GPM6A: variants seen among roughly 807,000 people sequenced by gnomAD.
GPM6A encodes neuronal membrane glycoprotein M6-a.
Under a neutral mutation model 32.1 loss-of-function variants are expected in GPM6A, and 7 were observed. That is an observed-to-expected ratio of 0.22 (90% CI 0.12 to 0.41). The LOEUF is 0.41. Ranked by LOEUF, GPM6A falls within the 10% of genes least tolerant of loss-of-function variation. The pLI is 1.00. For missense variants in GPM6A, 235 were observed against 347.2 expected (o/e 0.68, Z 2.57); for synonymous variants, 130 against 123.4 (o/e 1.05, Z -0.35).
chr4:175,916,125 C>T (rs1319386656), intron 1 of GPM6A, among the ~76,000 whole-genome samples: 2 of 152,208 alleles, frequency 1.3e-5, no homozygotes, highest in Non-Finnish European at 2.9e-5. Context: ...AAACAACAGT[C>T]TTCACAGGTC....
intron 1 of GPM6A, among the ~76,000 whole-genome samples, chr4:175,882,801 C>G (rs1266827521): frequency 6.6e-6 from 1 of 151,934 alleles, no homozygotes; most frequent in Admixed American, 6.6e-5. Flanking sequence ...GTGGAAAACA[C>G]AGTGGTAATA....
chr4:175,690,559 G>A (rs745629771), intron 2 of GPM6A, among the ~76,000 whole-genome samples: 13 of 152,184 alleles, frequency 8.5e-5, no homozygotes, highest in Non-Finnish European at 7.3e-5. Context: ...TGCACTTTCC[G>A]ACTTTCAGAG....
chr4:175,969,104 A>T (rs1017698759), intron 1 of GPM6A, among the ~76,000 whole-genome samples: 2 of 152,246 alleles, frequency 1.3e-5, no homozygotes, highest in Non-Finnish European at 2.9e-5. Context: ...CTATCAAGCC[A>T]TGAAAAGATA....
intron 1 of GPM6A, among the ~76,000 whole-genome samples, chr4:175,750,073 T>C (rs188550812): frequency 1.3e-5 from 2 of 152,270 alleles, no homozygotes; most frequent in Admixed American, 6.5e-5. Context: ...TTGCTTTTTT[T>C]TTTGAGATGG....
At chr4:175,844,019 A>G (rs1736017867) in intron 1 of GPM6A, among the ~76,000 whole-genome samples, 1 of 152,100 alleles carries the variant, frequency 6.6e-6, no homozygotes, top group Admixed American at 6.5e-5. Context: ...CCTTAGCTAC[A>G]ATTAGCAGCT....
chr4:175,693,527 T>G (rs947980688), intron 2 of GPM6A, among the ~76,000 whole-genome samples: 18 of 152,164 alleles, frequency 1.2e-4, no homozygotes, highest in African/African-American at 4.3e-4. Flanking sequence ...CCCTAAACAC[T>G]TTAATTGATA....
intron 1 of GPM6A, among the ~76,000 whole-genome samples, chr4:175,919,715 C>A (rs984161413): frequency 6.6e-6 from 1 of 152,182 alleles, no homozygotes; most frequent in African/African-American, 2.4e-5. Flanking sequence ...GGACACACTC[C>A]TAAATGGTCA....
intron 1 of GPM6A, among the ~76,000 whole-genome samples, chr4:175,884,564 C>T (rs1320980526): frequency 6.6e-6 from 1 of 152,156 alleles, no homozygotes; most frequent in Middle Eastern, 3.4e-3. Flanking sequence ...TGGAGTCTCG[C>T]TCTGTTGCCC....
intron 2 of GPM6A, among the ~76,000 whole-genome samples, chr4:175,690,830 T>C (rs1744255811): frequency 6.6e-6 from 1 of 152,178 alleles, no homozygotes. Flanking sequence ...ACAAGGATTA[T>C]AATATTGAGG....
At chr4:175,956,858 A>G (rs1006733679) in intron 1 of GPM6A, among the ~76,000 whole-genome samples, 2 of 152,226 alleles carry the variant, frequency 1.3e-5, no homozygotes, top group African/African-American at 2.4e-5. Flanking sequence ...TAAGAATGTC[A>G]AGGCATTCAT....
chr4:175,757,939 AT>A (rs1456437077), intron 1 of GPM6A, among the ~76,000 whole-genome samples: 4 of 152,214 alleles, frequency 2.6e-5, no homozygotes, highest in Admixed American at 1.3e-4. Flanking sequence ...GCCTAATATC[AT>A]GATAAAATAA....
intron 1 of GPM6A, among the ~76,000 whole-genome samples, chr4:175,773,094 C>G (rs1235776740): frequency 6.6e-6 from 1 of 152,180 alleles, no homozygotes; most frequent in Non-Finnish European, 1.5e-5. Flanking sequence ...GTGATTCCTT[C>G]TACCCTTATA....
chr4:175,838,201 T>C (rs1735833009), intron 1 of GPM6A, among the ~76,000 whole-genome samples: 2 of 150,826 alleles, frequency 1.3e-5, no homozygotes, highest in South Asian at 4.2e-4. Flanking sequence ...GAAAAGGGAT[T>C]GAGAGAAAGA....
At chr4:175,830,177 G>A (rs780146381) in intron 1 of GPM6A, among the ~76,000 whole-genome samples, 2 of 152,114 alleles carry the variant, frequency 1.3e-5, no homozygotes, top group Non-Finnish European at 2.9e-5. Flanking sequence ...TCGTTGGGTG[G>A]TGATGGTTGA....
intron 1 of GPM6A, among the ~76,000 whole-genome samples, chr4:175,907,673 G>A (rs886747341): frequency 1.2e-4 from 19 of 152,146 alleles, no homozygotes; most frequent in African/African-American, 4.3e-4. Context: ...CCTCTTATCT[G>A]AAGGCACAGG....
chr4:175,682,942 A>C (rs1052219428), intron 2 of GPM6A, among the ~76,000 whole-genome samples: 3 of 152,204 alleles, frequency 2.0e-5, no homozygotes, highest in African/African-American at 7.2e-5. Context: ...CAGAGTCCCC[A>C]CCAGGGCACT....
chr4:175,897,759 T>A (rs1165350774), intron 1 of GPM6A, among the ~76,000 whole-genome samples: 1 of 152,202 alleles, frequency 6.6e-6, no homozygotes, highest in Non-Finnish European at 1.5e-5. Flanking sequence ...AATTTTAAAA[T>A]GTGTCTAGAA....
chr4:175,925,850 C>CTTTCTTTT (rs1738821462), intron 1 of GPM6A, among the ~76,000 whole-genome samples: 1 of 135,120 alleles, frequency 7.4e-6, no homozygotes, highest in African/African-American at 2.7e-5. Flanking sequence ...CTTTTCTTTT[C>CTTTCTTTT]TTTTTTTTTT....
chr4:175,913,945 C>T (rs982955552), intron 1 of GPM6A, among the ~76,000 whole-genome samples: 6 of 152,252 alleles, frequency 3.9e-5, no homozygotes, highest in East Asian at 3.9e-4. Context: ...ATCAATTCCA[C>T]GTGACTGTAA....
Sources: allele counts gnomAD v4.1 joint callset (sites outside exome capture counted in the v4.1 genomes callset), GRCh38; gene constraint gnomAD v4.1.1; transcripts MANE v1.5; gene names NCBI Gene and HGNC (gene_info 2026-07-23, HGNC 2026-07-21).